Variants in ZBBX observed in about 807,000 individuals in gnomAD.
ZBBX encodes the protein zinc finger B-box domain-containing protein 1.
Under a neutral mutation model 108.5 loss-of-function variants are expected in ZBBX, and 101 were observed. The ratio of observed to expected loss-of-function variants is 0.93; its 90% CI spans 0.79 to 1.10. ZBBX has a LOEUF of 1.10. Ranked by LOEUF, ZBBX falls within the 50% of genes least tolerant of loss-of-function variation. The pLI is 0.00. For missense variants in ZBBX, 1,009 were observed against 941.4 expected (o/e 1.07, Z -0.94); for synonymous variants, 356 against 323.4 (o/e 1.10, Z -1.08).
the ZBBX span, among the ~76,000 whole-genome samples, chr3:167,216,458 T>G: frequency 6.6e-6 from 1 of 151,620 alleles, no homozygotes; most frequent in African/African-American, 2.4e-5. Context: ...AAAACACTAC[T>G]CAAAGAAATC....
intron 20 of ZBBX, among the ~76,000 whole-genome samples, chr3:167,278,577 A>C (rs1347589660): frequency 6.7e-6 from 1 of 149,794 alleles, no homozygotes; most frequent in Non-Finnish European, 1.5e-5. Context: ...GAATAGACCA[A>C]TAACAGGATC....
At position 167,354,853 on chromosome 3, in the gene ZBBX, C is replaced by T. The variant is rs7650585; in HGVS notation, c.433-4338G>A. 4.1e-3 allele frequency among the ~76,000 whole-genome samples: 630 copies of T among 151,910 alleles called. 10 individuals carry two copies. Among genetic ancestry groups the T allele is most frequent in the African/African-American group, 0.015 (603 of 41,510 alleles). On this transcript the variant is annotated intron_variant, in intron 8 of 21. Coordinates refer to ENST00000675490, the MANE Select transcript of ZBBX (RefSeq NM_001199201.2). ...CATACTTTTAGTAAAAGTAGCCAAACGAATATTTGTAGACTGGAAGATCAA... is the reference window on the plus strand; with the variant it reads ...CATACTTTTAGTAAAAGTAGCCAAATGAATATTTGTAGACTGGAAGATCAA...
intron 20 of ZBBX, among the ~76,000 whole-genome samples, chr3:167,254,108 C>T (rs1207459664): frequency 6.6e-6 from 1 of 152,102 alleles, no homozygotes; most frequent in African/African-American, 2.4e-5. Flanking sequence ...CACATTGTAT[C>T]TTGTAATGTG....
intron 20 of ZBBX, among the ~76,000 whole-genome samples, chr3:167,273,547 A>G (rs532156614): frequency 6.6e-6 from 1 of 152,232 alleles, no homozygotes; most frequent in African/African-American, 2.4e-5. Context: ...GGGAGAACTT[A>G]GTGTTCCTTG....
chr3:167,228,186 G>A, the ZBBX span, among the ~76,000 whole-genome samples: 3 of 151,788 alleles, frequency 2.0e-5, no homozygotes, highest in South Asian at 2.1e-4. Context: ...AGGTTGTAGA[G>A]TCACTTCATA....
intron 20 of ZBBX, 44 bp downstream of exon 20, chr3:167,282,192 CAG>C (rs1728927633): frequency 6.5e-7 from 1 of 1,540,688 alleles, no homozygotes. Flanking sequence ...CGGCTGAGGG[CAG>C]AGTTAATTAG....
At chr3:167,389,137 C>T (rs1303533338) in intron 1 of ZBBX, among the ~76,000 whole-genome samples, 1 of 152,032 alleles carries the variant, frequency 6.6e-6, no homozygotes, top group South Asian at 2.1e-4. Flanking sequence ...TTGCCCCCGA[C>T]CACCTGACAG....
chr3:167,326,526 C>T (rs1737401643), intron 11 of ZBBX, among the ~76,000 whole-genome samples: 1 of 151,924 alleles, frequency 6.6e-6, no homozygotes, highest in South Asian at 2.1e-4. Flanking sequence ...GGTGACTTTT[C>T]AACTTGGTAC....
chr3:167,381,582 T>A (rs13065287), upstream of ZBBX, among the ~76,000 whole-genome samples: 61,134 of 151,950 alleles, frequency 0.4, 12,455 homozygotes, highest in African/African-American at 0.42. Flanking sequence ...ATACAAGAAC[T>A]AGTTTCAGGT....
At position 167,350,419 on chromosome 3, in the gene ZBBX, C is replaced by T. The variant is rs1483857646; in HGVS notation, c.528+1G>A. On this transcript the variant is annotated splice_donor_variant, in intron 9 of 21. Coordinates refer to ENST00000675490, the MANE Select transcript of ZBBX (RefSeq NM_001199201.2). LOFTEE classifies it high-confidence loss of function. ...AAGTAAATCATTTTAGAAAGCCATA[C>T]CTGCAAAAGAGTTGTTCTGTGGAGC... 1.9e-6 allele frequency: 3 copies of T among 1,584,710 alleles called. No homozygotes were observed. The highest frequency in any genetic ancestry group is 2.7e-5 in the African/African-American group (2 of 74,354).
chr3:167,227,684 C>T, the ZBBX span, among the ~76,000 whole-genome samples: 3 of 151,850 alleles, frequency 2.0e-5, no homozygotes, highest in East Asian at 3.9e-4. Flanking sequence ...GATTCACAAA[C>T]CCCCTGAAAG....
chr3:167,293,768 A>G (rs1442068607), intron 18 of ZBBX, among the ~76,000 whole-genome samples: 2 of 152,154 alleles, frequency 1.3e-5, no homozygotes, highest in Non-Finnish European at 2.9e-5. Context: ...CTCTGTTTGC[A>G]GATGACATGA....
At chr3:167,380,866 G>GCACA (rs59349359), upstream of ZBBX, among the ~76,000 whole-genome samples, 23,783 of 141,190 alleles carry the variant, frequency 0.17, 2,132 homozygotes, top group Admixed American at 0.19. Context: ...GCAAATATAT[G>GCACA]CACACACACA....
At chr3:167,258,668 A>T (rs1182336313) in intron 20 of ZBBX, among the ~76,000 whole-genome samples, 1 of 152,040 alleles carries the variant, frequency 6.6e-6, no homozygotes, top group African/African-American at 2.4e-5. Context: ...TTTTGCCGAG[A>T]GTTTTAATCA....
At position 167,368,563 on chromosome 3, in the gene ZBBX, T is replaced by A; in HGVS notation, c.80A>T (p.Glu27Val). 6.2e-7 allele frequency: 1 copy of A among 1,607,150 alleles called. No individual in the cohort carries two copies. The highest frequency in any genetic ancestry group is 8.5e-7 in the Non-Finnish European group (1 of 1,176,634). ...SVKLKYRNAQ[E>V]LRMEKVQLEF... ...TAACTGTACTTTCTCCATTCGCAGT[T>A]CTTGAGCATTTCTGAAGACATAAGA... The change falls in exon 5 of 22, where the codon GAA becomes GTA. Residue 27 changes from glutamate to valine, a missense_variant. Physicochemically the swap from Glu to Val is moderately radical, Grantham distance 121. Coordinates refer to ENST00000675490, the MANE Select transcript of ZBBX (RefSeq NM_001199201.2).
chr3:167,392,683 C>T (rs1748111552), intron 1 of ZBBX: 1 of 151,682 alleles, frequency 6.6e-6, no homozygotes, highest in Non-Finnish European at 1.5e-5. Flanking sequence ...AGATGAGATG[C>T]CAGGTGCTCA....
chr3:167,326,504 T>C (rs1321018185), intron 11 of ZBBX, among the ~76,000 whole-genome samples: 3 of 152,144 alleles, frequency 2.0e-5, no homozygotes, highest in Non-Finnish European at 4.4e-5. Flanking sequence ...AAAAGAGTTA[T>C]ACTTCTGATC....
chr3:167,236,885 G>C (rs917977833), downstream of ZBBX, among the ~76,000 whole-genome samples: 1 of 151,664 alleles, frequency 6.6e-6, no homozygotes, highest in African/African-American at 2.4e-5. Flanking sequence ...AGGATGCAAC[G>C]AGAAACAATG....
the ZBBX span, among the ~76,000 whole-genome samples, chr3:167,209,000 T>C: frequency 1.3e-5 from 2 of 152,068 alleles, no homozygotes; most frequent in Non-Finnish European, 2.9e-5. Context: ...CGCTTGGGTC[T>C]TGAGTTAACA....
Sources: allele counts gnomAD v4.1 joint callset (sites outside exome capture counted in the v4.1 genomes callset), GRCh38; gene constraint gnomAD v4.1.1; transcripts MANE v1.5; gene names NCBI Gene and HGNC (gene_info 2026-07-23, HGNC 2026-07-21).